The following ZBBX variants were observed in gnomAD, a reference collection of about 807,000 sequenced individuals.
The protein encoded by ZBBX is zinc finger B-box domain containing, also known as zinc finger B-box domain-containing protein 1.
Under a neutral mutation model 108.5 loss-of-function variants are expected in ZBBX, and 101 were observed. The observed-to-expected ratio is 0.93, with a 90% CI of 0.79 to 1.10. ZBBX has a LOEUF of 1.10. Ranked by LOEUF, ZBBX falls within the 50% of genes least tolerant of loss-of-function variation. The pLI, the probability that ZBBX is intolerant of heterozygous loss-of-function variation, is 0.00. For synonymous variants in ZBBX, 356 were observed against 323.4 expected, an observed-to-expected ratio of 1.10 and a Z score of -1.08; for missense variants, 1,009 against 941.4, an observed-to-expected ratio of 1.07 and a Z score of -0.94.
intron 20 of ZBBX, among the ~76,000 whole-genome samples, chr3:167,248,845 C>T (rs576557807): frequency 6.6e-6 from 1 of 152,186 alleles, no homozygotes; most frequent in Non-Finnish European, 1.5e-5. Flanking sequence ...TGGTTAATTC[C>T]TATTCTCCAG....
the ZBBX span, among the ~76,000 whole-genome samples, chr3:167,204,632 A>G: frequency 6.7e-6 from 1 of 149,196 alleles, no homozygotes; most frequent in Non-Finnish European, 1.5e-5. Flanking sequence ...TTCTTAATCC[A>G]GTCTATCATT....
At chr3:167,327,904 ACT>A in intron 11 of ZBBX, 36 bp downstream of exon 11, 1 of 1,454,136 alleles carries the variant, frequency 6.9e-7, no homozygotes, top group African/African-American at 2.0e-5. Context: ...ACAAAGTGAG[ACT>A]CTGTCTCAAA....
intron 2 of ZBBX, among the ~76,000 whole-genome samples, chr3:167,376,673 C>T (rs1747008753): frequency 6.6e-6 from 1 of 152,142 alleles, no homozygotes; most frequent in Non-Finnish European, 1.5e-5. Context: ...TATAGCTCTG[C>T]TGATAATGTT....
chr3:167,316,057 T>G (rs1735399198), intron 14 of ZBBX, among the ~76,000 whole-genome samples: 1 of 152,056 alleles, frequency 6.6e-6, no homozygotes. Flanking sequence ...AATCCAACAA[T>G]AATAACTTAT....
chr3:167,353,298 A>G (rs1415830205), intron 8 of ZBBX, among the ~76,000 whole-genome samples: 1 of 152,036 alleles, frequency 6.6e-6, no homozygotes, highest in Non-Finnish European at 1.5e-5. Flanking sequence ...ATGGAATACT[A>G]CTCCACTATG....
chr3:167,375,333 T>G (rs1560201984), intron 2 of ZBBX, among the ~76,000 whole-genome samples: 1 of 152,150 alleles, frequency 6.6e-6, no homozygotes, highest in African/African-American at 2.4e-5. Flanking sequence ...GGCTGACACC[T>G]GTAATCCCAG....
intron 6 of ZBBX, among the ~76,000 whole-genome samples, chr3:167,363,865 A>C (rs763453966): frequency 6.6e-6 from 1 of 152,078 alleles, no homozygotes; most frequent in African/African-American, 2.4e-5. Context: ...GGTCTTTTAA[A>C]TATTTTCATT....
Position 167,298,421 on chromosome 3 carries a change from G to C in ZBBX, c.1763C>G (p.Thr588Arg), listed in dbSNP as rs1338121244. The C allele has an allele frequency of 1.3e-6, 2 of 1,549,844 alleles. No individual in the cohort carries two copies. Among genetic ancestry groups the C allele is most frequent in the Non-Finnish European group, 1.8e-6 (2 of 1,141,026 alleles). ...QEIACRSKPI[T>R]KQYQGLERFF... Reference sequence around the variant, plus strand: ...TCTCTCAAGTCCTTGATATTGTTTTGTTATAGGCTTACTTCTGCAGGCTAT... The same window carrying C: ...TCTCTCAAGTCCTTGATATTGTTTTCTTATAGGCTTACTTCTGCAGGCTAT... Residue 588 changes from threonine to arginine, a missense_variant, in exon 18 of 22, where the codon ACA (threonine) becomes AGA (arginine). Transcript: ENST00000675490.
At chr3:167,232,290 T>C in the ZBBX span, among the ~76,000 whole-genome samples, 1 of 151,790 alleles carries the variant, frequency 6.6e-6, no homozygotes, top group Non-Finnish European at 1.5e-5. Flanking sequence ...AGCGATGCTG[T>C]CAAAGAATAA....
chr3:167,248,615 G>C (rs751927501), intron 20 of ZBBX: 18 of 456,466 alleles, frequency 3.9e-5, no homozygotes, highest in Non-Finnish European at 7.5e-5. Flanking sequence ...TACCTTTTCA[G>C]TCCCAAACTG....
At chr3:167,393,445 T>C (rs55645172) in intron 1 of ZBBX, among the ~76,000 whole-genome samples, 47,528 of 151,720 alleles carry the variant, frequency 0.31, 7,586 homozygotes, top group African/African-American at 0.36. Context: ...GATTTTATCA[T>C]GATCTTGCTT....
chr3:167,275,407 G>A (rs1466403924), intron 20 of ZBBX, among the ~76,000 whole-genome samples: 1 of 152,174 alleles, frequency 6.6e-6, no homozygotes, highest in Admixed American at 6.5e-5. Context: ...AGTGGGCGCA[G>A]GTCAGTGGGT....
rs560886636 is a variant in ZBBX at position 167,338,210 on chromosome 3, C to G, written c.529-4225G>C. ...GGTAGGATTTCATCTGGTAACTGTT[C>G]TAAATTCTCACCTAAACTTTTTTTC... On this transcript the variant is annotated intron_variant, in intron 9 of 21. Transcript: ENST00000675490. Among the ~76,000 whole-genome samples, 4 of 152,230 alleles carry G rather than the reference C, an allele frequency of 2.6e-5. No homozygotes were observed. The East Asian group carries it at 7.7e-4, about 29-fold the overall frequency.
At chr3:167,385,560 T>A (rs890119725) in intron 1 of ZBBX, among the ~76,000 whole-genome samples, 17 of 152,074 alleles carry the variant, frequency 1.1e-4, no homozygotes, top group South Asian at 2.1e-4. Flanking sequence ...ATAATTTTTT[T>A]AAACTTTTTG....
intron 9 of ZBBX, among the ~76,000 whole-genome samples, chr3:167,338,452 A>G (rs902203638): frequency 1.9e-4 from 29 of 152,080 alleles, no homozygotes; most frequent in African/African-American, 6.8e-4. Context: ...AACTACCATC[A>G]TCATCCAAAA....
the ZBBX span, among the ~76,000 whole-genome samples, chr3:167,221,441 G>A: frequency 5.9e-5 from 9 of 151,822 alleles, no homozygotes; most frequent in South Asian, 1.0e-3. Context: ...TCAATAAATG[G>A]TGCTGGGCAA....
At chr3:167,186,676 T>C in the ZBBX span, among the ~76,000 whole-genome samples, 1 of 152,130 alleles carries the variant, frequency 6.6e-6, no homozygotes, top group Admixed American at 6.6e-5. Flanking sequence ...TAAATTTACA[T>C]TATAACAGTC....
At chr3:167,267,210 G>A (rs575483363) in intron 20 of ZBBX, among the ~76,000 whole-genome samples, 2 of 152,252 alleles carry the variant, frequency 1.3e-5, no homozygotes, top group Non-Finnish European at 2.9e-5. Context: ...GTTTATACTG[G>A]CCCACCATCC....
At chr3:167,195,711 G>A in the ZBBX span, among the ~76,000 whole-genome samples, 50 of 152,180 alleles carry the variant, frequency 3.3e-4, no homozygotes, top group African/African-American at 1.1e-3. Context: ...TGAAGCCAAC[G>A]GTAGCCTTTA....
Sources: allele counts gnomAD v4.1 joint callset (sites outside exome capture counted in the v4.1 genomes callset), GRCh38; gene constraint gnomAD v4.1.1; transcripts MANE v1.5; gene names NCBI Gene and HGNC (gene_info 2026-07-23, HGNC 2026-07-21).